Variants in SIPA1L3 observed in about 807,000 individuals in gnomAD.
The protein encoded by SIPA1L3 is signal induced proliferation associated 1 like 3, also known as signal-induced proliferation-associated 1-like protein 3.
A neutral mutation model predicts 150.1 loss-of-function variants in SIPA1L3; 59 were observed. That is an observed-to-expected ratio of 0.39 (90% CI 0.32 to 0.49). The LOEUF (loss-of-function observed/expected upper bound fraction) is 0.49. SIPA1L3 is among the 20% of genes least tolerant of loss of function. The pLI, the probability that SIPA1L3 is intolerant of heterozygous loss-of-function variation, is 0.86. For synonymous variants in SIPA1L3, 1,070 were observed against 1,077.6 expected (o/e 0.99, Z 0.14); for missense variants, 2,211 against 2,489.5 (o/e 0.89, Z 2.38).
intron 1 of SIPA1L3, among the ~76,000 whole-genome samples, chr19:38,017,047 C>T (rs988255456): frequency 5.3e-5 from 8 of 151,462 alleles, no homozygotes; most frequent in Admixed American, 3.9e-4. Context: ...CAGGGGCACA[C>T]GATCACACCT....
intron 1 of SIPA1L3, among the ~76,000 whole-genome samples, chr19:37,991,640 G>T (rs1967511524): frequency 6.6e-6 from 1 of 152,242 alleles, no homozygotes. Flanking sequence ...ACCGTGCAGA[G>T]TCACTGTTCC....
intron 1 of SIPA1L3, among the ~76,000 whole-genome samples, chr19:38,003,140 A>C (rs1320057005): frequency 6.6e-6 from 1 of 152,208 alleles, no homozygotes; most frequent in East Asian, 1.9e-4. Context: ...ATTCCATCTC[A>C]AAAGATAAAA....
chr19:38,162,041 G>T (rs1170562710), intron 13 of SIPA1L3, among the ~76,000 whole-genome samples: 1 of 152,176 alleles, frequency 6.6e-6, no homozygotes, highest in African/African-American at 2.4e-5. Context: ...GAGGGAAATG[G>T]GATATTGCAC....
chr19:38,028,343 T>C (rs968697614), intron 1 of SIPA1L3, among the ~76,000 whole-genome samples: 9 of 152,274 alleles, frequency 5.9e-5, no homozygotes, highest in Non-Finnish European at 1.2e-4. Context: ...ACTCACCCCG[T>C]GCCAGCTCCA....
intron 1 of SIPA1L3, among the ~76,000 whole-genome samples, chr19:37,930,025 A>ATT (rs34993739): frequency 0.016 from 2,099 of 131,746 alleles, 70 homozygotes; most frequent in African/African-American, 0.055. Context: ...TGCCTGGCAA[A>ATT]TTTTTTTTTT....
At chr19:38,154,321 T>C (rs1971894044) in intron 13 of SIPA1L3, among the ~76,000 whole-genome samples, 1 of 152,242 alleles carries the variant, frequency 6.6e-6, no homozygotes, top group African/African-American at 2.4e-5. Context: ...TTGGGCTGCC[T>C]AGAGCAGTGT....
At chr19:38,013,135 TTC>T (rs1968144866) in intron 1 of SIPA1L3, among the ~76,000 whole-genome samples, 1 of 152,182 alleles carries the variant, frequency 6.6e-6, no homozygotes, top group East Asian at 1.9e-4. Context: ...TGCTCCGAGT[TTC>T]TCTCTGGCGC....
chr19:37,983,144 G>T (rs1967241964), intron 1 of SIPA1L3, among the ~76,000 whole-genome samples: 1 of 152,186 alleles, frequency 6.6e-6, no homozygotes, highest in South Asian at 2.1e-4. Flanking sequence ...CTGAACAAAT[G>T]AATAAATAAA....
chr19:38,057,275 AAT>A (rs150830426), intron 2 of SIPA1L3, among the ~76,000 whole-genome samples: 74 of 147,870 alleles, frequency 5.0e-4, no homozygotes, highest in African/African-American at 1.5e-3. Flanking sequence ...CTCCATCTCA[AAT>A]ATATATATAT....
At chr19:37,918,914 AT>A (rs1302816431) in intron 1 of SIPA1L3, among the ~76,000 whole-genome samples, 1 of 137,946 alleles carries the variant, frequency 7.2e-6, no homozygotes, top group Non-Finnish European at 1.5e-5. Flanking sequence ...AAATAAATAA[AT>A]AAACAAACTG....
chr19:38,148,755 A>G (rs1971755903), intron 12 of SIPA1L3, among the ~76,000 whole-genome samples: 1 of 152,186 alleles, frequency 6.6e-6, no homozygotes, highest in Non-Finnish European at 1.5e-5. Flanking sequence ...GCTCCCCGTA[A>G]GGTTCCTCCC....
chr19:37,957,297 G>A (rs775977660), intron 1 of SIPA1L3, among the ~76,000 whole-genome samples: 18 of 152,176 alleles, frequency 1.2e-4, no homozygotes, highest in Non-Finnish European at 2.4e-4. Context: ...AGATCACCTT[G>A]TCAATATCTG....
At chr19:38,079,649 G>A (rs533092704) in intron 2 of SIPA1L3, among the ~76,000 whole-genome samples, 5 of 151,110 alleles carry the variant, frequency 3.3e-5, no homozygotes, top group East Asian at 2.0e-4. Context: ...TCAACCTCCC[G>A]GGTTCGAGTG....
chr19:38,120,008 G>A (rs1970981248), intron 9 of SIPA1L3, 126 bp downstream of exon 9: 3 of 651,912 alleles, frequency 4.6e-6, no homozygotes, highest in South Asian at 2.0e-5. Context: ...AATCACAGTT[G>A]TCACTTACAA....
At chr19:38,149,342 A>G (rs1173983270) in intron 12 of SIPA1L3, among the ~76,000 whole-genome samples, 1 of 152,142 alleles carries the variant, frequency 6.6e-6, no homozygotes, top group African/African-American at 2.4e-5. Flanking sequence ...AGTTCGCGTC[A>G]CTGCTGCACT....
At chr19:37,927,654 GGT>G (rs57987208) in intron 1 of SIPA1L3, among the ~76,000 whole-genome samples, 52,465 of 136,450 alleles carry the variant, frequency 0.38, 9,980 homozygotes, top group East Asian at 0.66. Context: ...AAGAACATGG[GGT>G]GTGTGTGTGT....
intron 1 of SIPA1L3, among the ~76,000 whole-genome samples, chr19:37,946,618 C>T (rs1173062384): frequency 6.6e-6 from 1 of 151,822 alleles, no homozygotes; most frequent in Non-Finnish European, 1.5e-5. Context: ...TGGAAGATTT[C>T]TTTACATGTT....
chr19:37,973,983 C>T (rs1034413715), intron 1 of SIPA1L3, among the ~76,000 whole-genome samples: 10 of 152,146 alleles, frequency 6.6e-5, no homozygotes, highest in Non-Finnish European at 1.2e-4. Context: ...GAGTGGGCAG[C>T]TCAGGCCTCC....
At chr19:38,125,039 G>GACCGTGGGGAGAGGGAGAGGGAGAGGGAA (rs1568563654) in intron 9 of SIPA1L3, among the ~76,000 whole-genome samples, 1 of 150,912 alleles carries the variant, frequency 6.6e-6, no homozygotes, top group African/African-American at 2.4e-5. Context: ...GGGAGAGGGA[G>GACCGTGGGGAGAGGGAGAGGGAGAGGGAA]CTGTTTTGTT....
Sources: gnomAD v4.1 joint callset for allele counts (sites outside exome capture counted in the v4.1 genomes callset) on GRCh38, gnomAD v4.1.1 for gene constraint, MANE v1.5 for transcripts, NCBI Gene and HGNC (gene_info 2026-07-23, HGNC 2026-07-21) for gene names.